Variants in PURA observed in about 807,000 individuals in gnomAD.
PURA encodes purine rich element binding protein A.
PURA carries 2 observed loss-of-function variants against 23.1 expected under a neutral mutation model. The ratio of observed to expected loss-of-function variants is 0.09; its 90% CI spans 0.04 to 0.27. The LOEUF is 0.27. Among genes scored for constraint, PURA ranks in the 10% least tolerant of loss-of-function variants. PURA has a pLI of 1.00. For synonymous variants in PURA, 254 were observed against 205.9 expected (o/e 1.23, Z -2.00); for missense variants, 187 against 449.7 (o/e 0.42, Z 5.28).
In PURA at chr5:140,121,610, GA is replaced by G. The variant is rs1260010306; in HGVS notation, c.*6462del. The G allele has an allele frequency of 6.0e-6, 1 of 166,884 alleles. No homozygotes were observed. The highest frequency in any genetic ancestry group is 1.5e-5 in the Non-Finnish European group (1 of 68,022). 10.3% of individuals were successfully genotyped at this position (166,884 alleles called of 1,614,324 possible). A position where few individuals can be genotyped will look rare whatever the true frequency, so the allele number is the denominator to read the frequency against. On this transcript the variant is annotated 3_prime_UTR_variant, in exon 1 of 1. Transcript: ENST00000331327. ...GCACTCAAGCTTACTTCTTCAGAGA[GA>G]AGTAAAGAAATTTCTGACTCCTGCC...
Position 140,120,678 on chromosome 5 carries a change from A to C in PURA, c.*5528A>C, listed in dbSNP as rs1322386079. 1 of 166,130 alleles carries C rather than the reference A, an allele frequency of 6.0e-6. No homozygotes were observed. Among genetic ancestry groups the C allele is most frequent in the Admixed American group, 6.6e-5 (1 of 15,262 alleles). The allele number at this position is 166,130 out of a possible 1,614,324, so 10.3% of individuals were successfully genotyped here. A position where few individuals can be genotyped will look rare whatever the true frequency, so the allele number is the denominator to read the frequency against. The stretch of plus-strand genomic sequence containing the variant: ...ATGAGTCAGGTAGAATTTCATGATA[A>C]AAGAACAACCAGATGAAATAAGAAA... On this transcript the variant is annotated 3_prime_UTR_variant, in exon 1 of 1. Transcript: ENST00000331327.
In PURA at chr5:140,120,405, A is replaced by G. The variant is rs924579083; in HGVS notation, c.*5255A>G. On this transcript the variant is annotated 3_prime_UTR_variant, in exon 1 of 1. Transcript: ENST00000331327. ...AAATCACAATATTTCTGTTTTCTTC[A>G]TTGCATATTAACCAAATTTTGGCCA... 5 of 166,832 alleles carry G rather than the reference A, an allele frequency of 3.0e-5. No homozygotes were observed. The highest frequency in any genetic ancestry group is 1.2e-4 in the African/African-American group (5 of 41,430). The allele number at this position is 166,832 out of a possible 1,614,324, so 10.3% of individuals were successfully genotyped here.
In PURA at chr5:140,116,306, A is replaced by G. The variant is rs950813238; in HGVS notation, c.*1156A>G. 2.4e-5 allele frequency: 4 copies of G among 167,082 alleles called. No homozygotes were observed. Among genetic ancestry groups the G allele is most frequent in the Admixed American group, 1.3e-4 (2 of 15,286 alleles). The allele number at this position is 167,082 out of a possible 1,614,324, so 10.3% of individuals were successfully genotyped here. On this transcript the variant is annotated 3_prime_UTR_variant, in exon 1 of 1. Transcript: ENST00000331327. ...CTATTCTTTGATTTTTGCTAGTGCT[A>G]TTAACTTATGTAGACCTGTTAAAAA...
chr5:140,122,931 C>G lies in PURA; in HGVS notation c.*7781C>G, dbSNP rs1763168635. On this transcript the variant is annotated 3_prime_UTR_variant, in exon 1 of 1. Coordinates refer to ENST00000331327, the MANE Select transcript of PURA (RefSeq NM_005859.5). ...TTGAAGTTTCATTTTACTCACATCTCTATATATTAGTGATAAAAATCTCTT... is the reference window on the plus strand; with the variant it reads ...TTGAAGTTTCATTTTACTCACATCTGTATATATTAGTGATAAAAATCTCTT... 6.0e-6 allele frequency: 1 copy of G among 166,724 alleles called. No homozygotes were observed. The highest frequency in any genetic ancestry group is 1.5e-5 in the Non-Finnish European group (1 of 67,980). The allele number at this position is 166,724 out of a possible 1,614,324, so 10.3% of individuals were successfully genotyped here.
chr5:140,115,317 C>CAGTTT lies in PURA; in HGVS notation c.*168_*169insGTTTA. 1 of 471,866 alleles carries CAGTTT rather than the reference C, an allele frequency of 2.1e-6. No individual in the cohort carries two copies. Among genetic ancestry groups the CAGTTT allele is most frequent in the Non-Finnish European group, 3.7e-6 (1 of 268,212 alleles). The allele number at this position is 471,866 out of a possible 1,614,324, so 29.2% of individuals were successfully genotyped here. ...GGAGCACCACCCACAGAACCTCCAC[C>CAGTTT]AACTGACAGTTTCTCTTCTTGACTT... On this transcript the variant is annotated 3_prime_UTR_variant, in exon 1 of 1. Transcript: ENST00000331327. The surrounding 1 kb of genome is among the most constrained non-coding windows in gnomAD (Gnocchi z 4.1).
At position 140,115,332 on chromosome 5, in the gene PURA, C is replaced by T. The variant is rs953941506; in HGVS notation, c.*182C>T. 2.2e-6 allele frequency: 1 copy of T among 448,108 alleles called. No individual in the cohort carries two copies. The highest frequency in any genetic ancestry group is 4.0e-5 in the Admixed American group (1 of 24,800). 27.8% of individuals were successfully genotyped at this position (448,108 alleles called of 1,614,324 possible). A position where few individuals can be genotyped will look rare whatever the true frequency, so the allele number is the denominator to read the frequency against. On this transcript the variant is annotated 3_prime_UTR_variant, in exon 1 of 1. Coordinates refer to ENST00000331327, the MANE Select transcript of PURA (RefSeq NM_005859.5). This position sits in a 1 kb window ranked among gnomAD's most constrained non-coding sequence, Gnocchi z 4.1. ...GAACCTCCACCAACTGACAGTTTCTCTTCTTGACTTGCCACCCATCGCTGG... is the reference window on the plus strand; with the variant it reads ...GAACCTCCACCAACTGACAGTTTCTTTTCTTGACTTGCCACCCATCGCTGG...
chr5:140,118,603 T>A lies in PURA; in HGVS notation c.*3453T>A, dbSNP rs1374404892. Reference sequence around the variant, plus strand: ...TAAGAAAAGCCATGTCGGCTTTTCCTCTACTAGATACAGATTGGAGGTAGA... The same window carrying A: ...TAAGAAAAGCCATGTCGGCTTTTCCACTACTAGATACAGATTGGAGGTAGA... On this transcript the variant is annotated 3_prime_UTR_variant, in exon 1 of 1. Coordinates refer to ENST00000331327, the MANE Select transcript of PURA (RefSeq NM_005859.5). The A allele has an allele frequency of 6.0e-6, 1 of 166,954 alleles. No homozygotes were observed. Among genetic ancestry groups the A allele is most frequent in the Non-Finnish European group, 1.5e-5 (1 of 68,044 alleles). The allele number at this position is 166,954 out of a possible 1,614,324, so 10.3% of individuals were successfully genotyped here. A position where few individuals can be genotyped will look rare whatever the true frequency, so the allele number is the denominator to read the frequency against.
At position 140,124,773 on chromosome 5, in the gene PURA, C is replaced by T; in HGVS notation, c.*9623C>T. Reference sequence around the variant, plus strand: ...ATGTGGATGATATTCAGCATTCTATCTATGAATTTCCTTTAGGAAAAGAGA... The same window carrying T: ...ATGTGGATGATATTCAGCATTCTATTTATGAATTTCCTTTAGGAAAAGAGA... On this transcript the variant is annotated 3_prime_UTR_variant, in exon 1 of 1. Transcript: ENST00000331327. The T allele has an allele frequency of 6.0e-6, 1 of 167,042 alleles. No individual in the cohort carries two copies. Among genetic ancestry groups the T allele is most frequent in the Non-Finnish European group, 1.5e-5 (1 of 68,080 alleles). The allele number at this position is 167,042 out of a possible 1,614,324, so 10.3% of individuals were successfully genotyped here.
At position 140,115,162 on chromosome 5, in the gene PURA, G is replaced by T; in HGVS notation, c.*12G>T. ...GGGAAGAAGATTGATCAAACTGAAT[G>T]AAACCCCCACACACACACACATGCA... On this transcript the variant is annotated 3_prime_UTR_variant, in exon 1 of 1. Transcript: ENST00000331327. The surrounding 1 kb of genome is among the most constrained non-coding windows in gnomAD (Gnocchi z 4.1). The T allele has an allele frequency of 6.8e-7, 1 of 1,474,760 alleles. No individual in the cohort carries two copies. The highest frequency in any genetic ancestry group is 1.3e-5 in the South Asian group (1 of 74,780). 91.4% of individuals were successfully genotyped at this position (1,474,760 alleles called of 1,614,324 possible).
rs138696672 is a variant in PURA, at chr5:140,118,532, A to C, written c.*3382A>C. The C allele has an allele frequency of 8.6e-4, 143 of 167,144 alleles. No individual in the cohort carries two copies. The highest frequency in any genetic ancestry group is 1.7e-3 in the Non-Finnish European group (115 of 68,046). The allele number at this position is 167,144 out of a possible 1,614,324, so 10.4% of individuals were successfully genotyped here. Reference sequence around the variant, plus strand: ...GAGGGAGCTAAAGTTAACTAACCAGAACTGTAGAAATCATTATACATGCCT... The same window carrying C: ...GAGGGAGCTAAAGTTAACTAACCAGCACTGTAGAAATCATTATACATGCCT... On this transcript the variant is annotated 3_prime_UTR_variant, in exon 1 of 1. Coordinates refer to ENST00000331327, the MANE Select transcript of PURA (RefSeq NM_005859.5).
chr5:140,120,915 T>G lies in PURA; in HGVS notation c.*5765T>G, dbSNP rs191913297. ...TGTTTTGTGTTTTTCCTTCCTGATG[T>G]CCTTTGCTTTTGTGGAAGATTGTCC... On this transcript the variant is annotated 3_prime_UTR_variant, in exon 1 of 1. Coordinates refer to ENST00000331327, the MANE Select transcript of PURA (RefSeq NM_005859.5). 1 of 166,968 alleles carries G rather than the reference T, an allele frequency of 6.0e-6. No individual in the cohort carries two copies. The highest frequency in any genetic ancestry group is 1.5e-5 in the Non-Finnish European group (1 of 67,982). 10.3% of individuals were successfully genotyped at this position (166,968 alleles called of 1,614,324 possible). A position where few individuals can be genotyped will look rare whatever the true frequency, so the allele number is the denominator to read the frequency against.
Position 140,115,350 on chromosome 5 carries a change from A to G in PURA, c.*200A>G, listed in dbSNP as rs1763064571. On this transcript the variant is annotated 3_prime_UTR_variant, in exon 1 of 1. Coordinates refer to ENST00000331327, the MANE Select transcript of PURA (RefSeq NM_005859.5). The surrounding 1 kb of genome is among the most constrained non-coding windows in gnomAD (Gnocchi z 4.1). ...AGTTTCTCTTCTTGACTTGCCACCC[A>G]TCGCTGGATGTTGTCCACTTTATCC... is the stretch of plus-strand genomic sequence containing the variant. 9.5e-6 allele frequency: 4 copies of G among 421,974 alleles called. No homozygotes were observed. Among genetic ancestry groups the G allele is most frequent in the East Asian group, 3.8e-5 (1 of 26,256 alleles). 26.1% of individuals were successfully genotyped at this position (421,974 alleles called of 1,614,324 possible).
rs923133649 is a variant in PURA, at chr5:140,121,313, G to A, written c.*6163G>A. ...GGATTTAAGAAAATATGTCCTTATC[G>A]TGAAGTGGCAGTTAAAGTTATGGGA... is the stretch of plus-strand genomic sequence containing the variant. On this transcript the variant is annotated 3_prime_UTR_variant, in exon 1 of 1. Transcript: ENST00000331327. 2.4e-5 allele frequency: 4 copies of A among 166,864 alleles called. No homozygotes were observed. Among genetic ancestry groups the A allele is most frequent in the Non-Finnish European group, 4.4e-5 (3 of 67,988 alleles). The allele number at this position is 166,864 out of a possible 1,614,324, so 10.3% of individuals were successfully genotyped here.
rs1395188527 is a variant in PURA, at chr5:140,114,304, C to G, written c.123C>G (p.Gly41=). 7.8e-7 allele frequency: 1 copy of G among 1,282,198 alleles called. No individual in the cohort carries two copies. Among genetic ancestry groups the G allele is most frequent in the South Asian group, 2.9e-5 (1 of 34,734 alleles). The allele number at this position is 1,282,198 out of a possible 1,614,324, so 79.4% of individuals were successfully genotyped here. A position where few individuals can be genotyped will look rare whatever the true frequency, so the allele number is the denominator to read the frequency against. The stretch of plus-strand genomic sequence containing the variant: ...GCGGTGGTGGCGGCGGGGGCGGCGG[C>G]GGCAGTGGCGGCGGCGGCGGCGGGG... The part of the protein sequence containing the change: ...GGGGGGGGGG[G]GSGGGGGGAP... Residue 41 remains glycine (G), a synonymous_variant, in exon 1 of 1, where the codon GGC becomes GGG. Coordinates refer to ENST00000331327, the MANE Select transcript of PURA (RefSeq NM_005859.5).
Position 140,116,958 on chromosome 5 carries a change from T to G in PURA, c.*1808T>G. 6.0e-6 allele frequency: 1 copy of G among 167,114 alleles called. No individual in the cohort carries two copies. 10.4% of individuals were successfully genotyped at this position (167,114 alleles called of 1,614,324 possible). ...TGTAGGAGCGGGAAGGTATCAGTGC[T>G]TCTTATATTGTAAAGCATTGGCCTA... On this transcript the variant is annotated 3_prime_UTR_variant, in exon 1 of 1. Transcript: ENST00000331327.
At position 140,122,447 on chromosome 5, in the gene PURA, C is replaced by T. The variant is rs1448961761; in HGVS notation, c.*7297C>T. The T allele has an allele frequency of 1.2e-5, 2 of 166,802 alleles. No individual in the cohort carries two copies. Among genetic ancestry groups the T allele is most frequent in the Non-Finnish European group, 2.9e-5 (2 of 67,982 alleles). The allele number at this position is 166,802 out of a possible 1,614,324, so 10.3% of individuals were successfully genotyped here. A position where few individuals can be genotyped will look rare whatever the true frequency, so the allele number is the denominator to read the frequency against. On this transcript the variant is annotated 3_prime_UTR_variant, in exon 1 of 1. Transcript: ENST00000331327. ...TTGAGACTTTGGCCCACACAAATTTCTTAGAAGACAATAAACCAGGTAAAA... is the reference window on the plus strand; with the variant it reads ...TTGAGACTTTGGCCCACACAAATTTTTTAGAAGACAATAAACCAGGTAAAA...
In PURA at chr5:140,115,186, CAT is replaced by C; in HGVS notation, c.*38_*39del. The C allele has an allele frequency of 1.8e-6, 2 of 1,133,966 alleles. No individual in the cohort carries two copies. The highest frequency in any genetic ancestry group is 1.2e-6 in the Non-Finnish European group (1 of 804,044). The allele number at this position is 1,133,966 out of a possible 1,614,324, so 70.2% of individuals were successfully genotyped here. ...TGAAACCCCCACACACACACACATG[CAT>C]ACACACACACACACAGCCACACACA... On this transcript the variant is annotated 3_prime_UTR_variant, in exon 1 of 1. Transcript: ENST00000331327. This position sits in a 1 kb window ranked among gnomAD's most constrained non-coding sequence, Gnocchi z 4.1.
chr5:140,114,159 G>A lies in PURA; in HGVS notation c.-23G>A. 1 of 613,528 alleles carries A rather than the reference G, an allele frequency of 1.6e-6. No individual in the cohort carries two copies. The highest frequency in any genetic ancestry group is 2.3e-6 in the Non-Finnish European group (1 of 436,910). 38.0% of individuals were successfully genotyped at this position (613,528 alleles called of 1,614,324 possible). A position where few individuals can be genotyped will look rare whatever the true frequency, so the allele number is the denominator to read the frequency against. On this transcript the variant is annotated 5_prime_UTR_variant, in exon 1 of 1. Coordinates refer to ENST00000331327, the MANE Select transcript of PURA (RefSeq NM_005859.5). ...GCGGGCGGAGCGGCAGGCGGCGGCG[G>A]CGCGGCAGCGGAGCGCAGCATCATG...
At position 140,119,563 on chromosome 5, in the gene PURA, C is replaced by T; in HGVS notation, c.*4413C>T. Reference sequence around the variant, plus strand: ...ATCTGGGTGGGTATCATGGCCCAAGCACTTTATATCATTTTTTAAGTCAGT... The same window carrying T: ...ATCTGGGTGGGTATCATGGCCCAAGTACTTTATATCATTTTTTAAGTCAGT... On this transcript the variant is annotated 3_prime_UTR_variant, in exon 1 of 1. Transcript: ENST00000331327. 1 of 166,752 alleles carries T rather than the reference C, an allele frequency of 6.0e-6. No individual in the cohort carries two copies. 10.3% of individuals were successfully genotyped at this position (166,752 alleles called of 1,614,324 possible). A position where few individuals can be genotyped will look rare whatever the true frequency, so the allele number is the denominator to read the frequency against.
Sources: gnomAD v4.1 joint callset for allele counts on GRCh38, gnomAD v4.1.1 for gene constraint, Gnocchi (gnomAD v3.1) non-coding constraint, MANE v1.5 for transcripts, NCBI Gene and HGNC (gene_info 2026-07-23, HGNC 2026-07-21) for gene names.